The following TNKS2 variants were observed in gnomAD, a reference collection of about 807,000 sequenced individuals.
TNKS2 encodes tankyrase 2, also known as poly [ADP-ribose] polymerase tankyrase-2.
A neutral mutation model predicts 137.6 loss-of-function variants in TNKS2; 72 were observed. The observed-to-expected ratio is 0.52, with a 90% CI of 0.43 to 0.64. TNKS2 has a LOEUF of 0.64. Ranked by LOEUF, TNKS2 falls within the 30% of genes least tolerant of loss-of-function variation. The pLI is 0.00. For missense variants in TNKS2, 1,049 were observed against 1,410.2 expected (o/e 0.74, Z 4.10); for synonymous variants, 516 against 512.1 (o/e 1.01, Z -0.10).
At chr10:91,819,822 A>G in intron 5 of TNKS2, 117 bp from the exon 6 acceptor site, 1 of 831,966 alleles carries the variant, frequency 1.2e-6, no homozygotes, top group Non-Finnish European at 1.8e-6. Flanking sequence ...CCAAATTGAT[A>G]ACTACTTAGC....
intron 24 of TNKS2, among the ~76,000 whole-genome samples, chr10:91,859,060 A>G (rs921014393): frequency 2.6e-5 from 4 of 152,054 alleles, no homozygotes; most frequent in African/African-American, 7.2e-5. Context: ...GCCACTTGGT[A>G]TCTTCAAAAA....
At chr10:91,854,920 A>AG in intron 21 of TNKS2, 109 bp from the exon 22 acceptor site, 1 of 610,040 alleles carries the variant, frequency 1.6e-6, no homozygotes, top group Non-Finnish European at 2.8e-6. Flanking sequence ...AAAAAGTTTA[A>AG]AAAAAAAAAT....
intron 1 of TNKS2, among the ~76,000 whole-genome samples, chr10:91,808,233 TAAAC>T (rs1022322844): frequency 2.6e-5 from 4 of 151,630 alleles, no homozygotes; most frequent in Non-Finnish European, 5.9e-5. Context: ...AGGTGACATT[TAAAC>T]AAACCAGGTA....
chr10:91,819,832 C>T (rs1335651508), intron 5 of TNKS2, 107 bp from the exon 6 acceptor site: 16 of 898,780 alleles, frequency 1.8e-5, no homozygotes, highest in East Asian at 8.2e-5. Context: ...AACTACTTAG[C>T]GAAGTTATAA....
At chr10:91,862,473 A>G (rs1363914499) in intron 26 of TNKS2, among the ~76,000 whole-genome samples, 1 of 152,102 alleles carries the variant, frequency 6.6e-6, no homozygotes, top group Non-Finnish European at 1.5e-5. Flanking sequence ...ACCATTAACT[A>G]TTTCAATTGT....
intron 21 of TNKS2, among the ~76,000 whole-genome samples, chr10:91,854,227 T>C (rs1842637837): frequency 6.6e-6 from 1 of 152,138 alleles, no homozygotes; most frequent in African/African-American, 2.4e-5. Context: ...AGAAAGAGAT[T>C]AAATGTTGAA....
intron 7 of TNKS2, among the ~76,000 whole-genome samples, chr10:91,825,421 A>T (rs1564613458): frequency 6.6e-6 from 1 of 152,166 alleles, no homozygotes; most frequent in Non-Finnish European, 1.5e-5. Flanking sequence ...TTTTTAATGA[A>T]TTTTTTAAAC....
At position 91,832,412 on chromosome 10, in the gene TNKS2, G is replaced by C. The variant is rs574745713; in HGVS notation, c.1275+1231G>C. Among the ~76,000 whole-genome samples, 9 of 151,850 alleles carry C rather than the reference G, an allele frequency of 5.9e-5. No individual in the cohort carries two copies. The South Asian group carries it at 1.7e-3, about 28-fold the overall frequency. The stretch of plus-strand genomic sequence containing the variant: ...GACTTTCAGTGCTAAAACCAGGAAA[G>C]TCCTAGGCAAACCAGAACAAGTGGT... On this transcript the variant is annotated intron_variant, in intron 11 of 26. Transcript: ENST00000371627.
At chr10:91,801,497 G>A (rs927931191) in intron 1 of TNKS2, among the ~76,000 whole-genome samples, 8 of 149,108 alleles carry the variant, frequency 5.4e-5, no homozygotes, top group African/African-American at 2.0e-4. Flanking sequence ...TTTTTGAGAT[G>A]GAGTCTAGTT....
At chr10:91,854,918 T>TAA (rs34370527) in intron 21 of TNKS2, 111 bp from the exon 22 acceptor site, 4,628 of 448,850 alleles carry the variant, frequency 0.01, no homozygotes, top group East Asian at 0.022. Context: ...AAAAAAAGTT[T>TAA]AAAAAAAAAA....
At chr10:91,798,928 C>A in intron 1 of TNKS2, 39 bp downstream of exon 1, 1 of 1,331,294 alleles carries the variant, frequency 7.5e-7, no homozygotes, top group Non-Finnish European at 9.7e-7. Context: ...GCTCCAGACC[C>A]CACCTGCGCA....
At chr10:91,836,336 CA>C (rs1362754815) in intron 12 of TNKS2, among the ~76,000 whole-genome samples, 1 of 151,954 alleles carries the variant, frequency 6.6e-6, no homozygotes, top group Non-Finnish European at 1.5e-5. Flanking sequence ...TTTAATTTTT[CA>C]TACTTACATC....
intron 11 of TNKS2, among the ~76,000 whole-genome samples, chr10:91,833,448 T>C (rs1263532376): frequency 6.6e-6 from 1 of 152,190 alleles, no homozygotes; most frequent in Admixed American, 6.5e-5. Flanking sequence ...AGATTAAGCC[T>C]ATAGAAATAA....
At chr10:91,835,834 C>T (rs1841996481) in intron 12 of TNKS2, among the ~76,000 whole-genome samples, 2 of 147,422 alleles carry the variant, frequency 1.4e-5, no homozygotes, top group Non-Finnish European at 3.0e-5. Context: ...TCTCCAACTC[C>T]TGACCTCAAG....
intron 13 of TNKS2, among the ~76,000 whole-genome samples, chr10:91,838,685 T>TACA (rs1432762909): frequency 1.3e-5 from 2 of 152,182 alleles, no homozygotes; most frequent in Admixed American, 1.3e-4. Context: ...TGAATCTGTA[T>TACA]ATCTAGCCAG....
At chr10:91,828,468 A>G (rs917748268) in intron 9 of TNKS2, 62 bp downstream of exon 9, 19 of 1,387,454 alleles carry the variant, frequency 1.4e-5, no homozygotes, top group Non-Finnish European at 1.8e-5. Flanking sequence ...ACTAATCATA[A>G]TATCCTACTT....
At position 91,845,935 on chromosome 10, in the gene TNKS2, G is replaced by T. The variant is rs754799960; in HGVS notation, c.2353G>T (p.Val785Phe). The T allele has an allele frequency of 5.9e-6, 9 of 1,532,708 alleles. No homozygotes were observed. Among genetic ancestry groups the T allele is most frequent in the Non-Finnish European group, 8.0e-6 (9 of 1,127,410 alleles). 94.9% of individuals were successfully genotyped at this position (1,532,708 alleles called of 1,614,324 possible). ...NQEGQTPLDL[V>F]SADDVSALLT... ...GGAAGGACAAACACCTTTAGATTTA[G>T]TTTCAGTAAGTGATGGGCTTTTTGA... The change falls in exon 18 of 27, where the codon GTT (valine) becomes TTT (phenylalanine). Residue 785 changes from valine (V) to phenylalanine (F), a missense_variant. Coordinates refer to ENST00000371627, the MANE Select transcript of TNKS2 (RefSeq NM_025235.4).
chr10:91,863,066 T>C lies in TNKS2; in HGVS notation c.*67T>C. On this transcript the variant is annotated 3_prime_UTR_variant, in exon 27 of 27. Coordinates refer to ENST00000371627, the MANE Select transcript of TNKS2 (RefSeq NM_025235.4). ...TCAAAGCAGCAGTGGCCTCTACGTT[T>C]TACTCCTTTGCTGAAAAAAAATCAT... is the stretch of plus-strand genomic sequence containing the variant. The C allele has an allele frequency of 8.5e-7, 1 of 1,174,438 alleles. No homozygotes were observed. The highest frequency in any genetic ancestry group is 1.5e-5 in the African/African-American group (1 of 64,970). The allele number at this position is 1,174,438 out of a possible 1,614,324, so 72.8% of individuals were successfully genotyped here.
At chr10:91,834,049 AT>A (rs762826864) in intron 12 of TNKS2, 25 bp downstream of exon 12, 3 of 1,491,076 alleles carry the variant, frequency 2.0e-6, no homozygotes, top group East Asian at 2.4e-5. Flanking sequence ...AATGAAATTG[AT>A]TTTTTTAAAT....
Sources: gnomAD v4.1 joint callset for allele counts (sites outside exome capture counted in the v4.1 genomes callset) on GRCh38, gnomAD v4.1.1 for gene constraint, MANE v1.5 for transcripts, NCBI Gene and HGNC (gene_info 2026-07-23, HGNC 2026-07-21) for gene names.